RNF213: variants seen among roughly 807,000 people sequenced by gnomAD.
The protein encoded by RNF213 is E3 ubiquitin-protein ligase RNF213.
Under a neutral mutation model 514.4 loss-of-function variants are expected in RNF213, and 341 were observed. The ratio of observed to expected loss-of-function variants is 0.66; its 90% CI spans 0.61 to 0.73. The LOEUF is 0.73. Among genes scored for constraint, RNF213 ranks in the 30% least tolerant of loss-of-function variants. The pLI is 0.00. For missense variants in RNF213, 5,767 were observed against 6,615.6 expected (o/e 0.87, Z 4.45); for synonymous variants, 2,655 against 2,658.2 (o/e 1.00, Z 0.04).
Position 80,294,960 on chromosome 17 carries a change from G to A in RNF213, c.1712G>A (p.Gly571Glu), listed in dbSNP as rs1457751358. The change falls in exon 9 of 68, where the codon GGA becomes GAA. Residue 571 changes from glycine (G) to glutamate (E), a missense_variant. Gly to Glu is a moderately conservative substitution (Grantham distance 98). Around this residue, in one of 13 missense-constraint regions of RNF213, gnomAD observed 592 missense variants for 673.9 expected, o/e 0.88. Transcript: ENST00000582970. The part of the protein sequence containing the change: ...FVLQQPMIYE[G>E]QAQLWTDLQY... ...CTGCAACAGCCTATGATTTATGAAG[G>A]ACAGGCACAGCTGTGGACCGATTTG... 1 of 1,614,162 alleles carries A rather than the reference G, an allele frequency of 6.2e-7. No homozygotes were observed. Among genetic ancestry groups the A allele is most frequent in the Admixed American group, 1.7e-5 (1 of 60,024 alleles).
chr17:80,345,645 G>A lies in RNF213; in HGVS notation c.7310G>A (p.Arg2437Gln), dbSNP rs367681353. Residue 2437 changes from arginine to glutamine, a missense_variant, in exon 29 of 68, where the codon CGG becomes CAG. Around this residue, in one of 13 missense-constraint regions of RNF213, gnomAD observed 1,377 missense variants for 1,635.2 expected, o/e 0.84. Coordinates refer to ENST00000582970, the MANE Select transcript of RNF213 (RefSeq NM_001256071.3). This position sits in a 1 kb window ranked among gnomAD's most constrained non-coding sequence, Gnocchi z 6.0. ...CTTATTAAATTCCTTAGCGACCTGC[G>A]GCGTGGTGGTACCAATGCTGACACC... is the stretch of plus-strand genomic sequence containing the variant. ...TRLIKFLSDL[R>Q]RGGTNADTIK... 42 of 1,614,042 alleles carry A rather than the reference G, an allele frequency of 2.6e-5. No individual in the cohort carries two copies. Among genetic ancestry groups the A allele is most frequent in the Admixed American group, 1.5e-4 (9 of 60,004 alleles).
At chr17:80,277,613 A>T (rs1420514501) in intron 3 of RNF213, among the ~76,000 whole-genome samples, 14 of 151,714 alleles carry the variant, frequency 9.2e-5, no homozygotes, top group Non-Finnish European at 2.9e-5. Context: ...AAAAAAAAAA[A>T]AAAAGCCTAA....
At chr17:80,368,267 A>T in intron 44 of RNF213, 124 bp downstream of exon 44, 1 of 1,035,286 alleles carries the variant, frequency 9.7e-7, no homozygotes. Flanking sequence ...TCAGAGAACT[A>T]TCATAAGAGA....
intron 50 of RNF213, chr17:80,375,190 G>C (rs2079698135): frequency 1.7e-5 from 3 of 175,602 alleles, no homozygotes; most frequent in South Asian, 1.2e-4. Context: ...CGTTGCTTCT[G>C]TCATTAAGCT....
In RNF213 at chr17:80,389,210, G is replaced by A; in HGVS notation, c.15038G>A (p.Gly5013Glu). Reference protein sequence around the residue: ...LPSSVISAISGQLQSYSDACE... With the variant: ...LPSSVISAISEQLQSYSDACE... Reference sequence around the variant, plus strand: ...AGCTCGGTCATTAGTGCCATCAGTGGACAGCTGCAGTCCTACAGCGATGCC... The same window carrying A: ...AGCTCGGTCATTAGTGCCATCAGTGAACAGCTGCAGTCCTACAGCGATGCC... Residue 5013 changes from glycine (G) to glutamate (E), a missense_variant, in exon 65 of 68, where the codon GGA becomes GAA. Transcript: ENST00000582970. The A allele has an allele frequency of 6.2e-7, 1 of 1,614,172 alleles. No individual in the cohort carries two copies. Among genetic ancestry groups the A allele is most frequent in the Non-Finnish European group, 8.5e-7 (1 of 1,179,996 alleles).
chr17:80,295,071 A>G (rs902689819), intron 9 of RNF213, 68 bp downstream of exon 9: 6 of 1,590,940 alleles, frequency 3.8e-6, no homozygotes, highest in African/African-American at 2.7e-5. Context: ...TAGTGGCCGG[A>G]TGACCCCTTG....
In RNF213 at chr17:80,281,676, C is replaced by T. The variant is rs375819620; in HGVS notation, c.262-6139C>T. Among the ~76,000 whole-genome samples, 828 of 108,062 alleles carry T rather than the reference C, an allele frequency of 7.7e-3. 10 individuals carry two copies. The highest frequency in any genetic ancestry group is 0.025 in the African/African-American group (797 of 32,108). The allele number at this position is 108,062 out of a possible 152,430, so 70.9% of individuals were successfully genotyped here. The stretch of plus-strand genomic sequence containing the variant: ...CCCCACTCACACACACCCCAACATA[C>T]GCAAGTCCCACTCACACCCATCTCA... On this transcript the variant is annotated intron_variant, in intron 3 of 67. Transcript: ENST00000582970.
Position 80,288,907 on chromosome 17 carries a change from G to GGA in RNF213, c.933+160_933+161dup, listed in dbSNP as rs546855705. ...GCCTTCGGGGTGCTCACATTCCAGCGGAGAGAGAGTCAGGAAACCGACTTC... is the reference window on the plus strand; with the variant it reads ...GCCTTCGGGGTGCTCACATTCCAGCGGAGAGAGAGAGTCAGGAAACCGACTTC... On this transcript the variant is annotated intron_variant, in intron 5 of 67. Transcript: ENST00000582970. The surrounding 1 kb of genome is among the most constrained non-coding windows in gnomAD (Gnocchi z 4.9). 15 of 1,386,844 alleles carry GGA rather than the reference G, an allele frequency of 1.1e-5. No homozygotes were observed. In the African/African-American group the frequency reaches 1.6e-4, roughly 15 times the overall value. 85.9% of individuals were successfully genotyped at this position (1,386,844 alleles called of 1,614,324 possible). A position where few individuals can be genotyped will look rare whatever the true frequency, so the allele number is the denominator to read the frequency against.
chr17:80,353,010 G>A lies in RNF213; in HGVS notation c.10374G>A (p.Leu3458=), dbSNP rs2078586469. The change falls in exon 33 of 68, where the codon CTG becomes CTA. Residue 3458 remains leucine (L), a synonymous_variant. Transcript: ENST00000582970. The surrounding 1 kb of genome is among the most constrained non-coding windows in gnomAD (Gnocchi z 5.0). ...TCATGGTTTCTGATGTGACCAGGCT[G>A]CAGCATGTCACCATCAGCCAGCTGT... ...STLMVSDVTR[L]QHVTISQLFA... The A allele has an allele frequency of 6.2e-7, 1 of 1,613,692 alleles. No individual in the cohort carries two copies. Among genetic ancestry groups the A allele is most frequent in the Admixed American group, 1.7e-5 (1 of 60,012 alleles).
intron 2 of RNF213, among the ~76,000 whole-genome samples, chr17:80,267,238 A>T (rs2043639040): frequency 1.3e-5 from 2 of 150,778 alleles, no homozygotes; most frequent in Admixed American, 1.3e-4. Flanking sequence ...AAGAAAAAAA[A>T]GAGACCATCC....
Position 80,345,871 on chromosome 17 carries a change from G to A in RNF213, c.7536G>A (p.Leu2512=). 1 of 1,614,150 alleles carries A rather than the reference G, an allele frequency of 6.2e-7. No homozygotes were observed. The highest frequency in any genetic ancestry group is 8.5e-7 in the Non-Finnish European group (1 of 1,180,038). The change falls in exon 29 of 68, where the codon CTG becomes CTA. Residue 2512 remains leucine (L), a synonymous_variant. Transcript: ENST00000582970. The surrounding 1 kb of genome is among the most constrained non-coding windows in gnomAD (Gnocchi z 6.0). The part of the protein sequence containing the change: ...LCDHMVDGQP[L]AEDSGLHIIA... The stretch of plus-strand genomic sequence containing the variant: ...ATCATATGGTGGATGGCCAGCCTCT[G>A]GCTGAGGACTCTGGCCTGCATATTA...
At chr17:80,389,036 G>C in intron 64 of RNF213, 137 bp from the exon 65 acceptor site, 1 of 787,768 alleles carries the variant, frequency 1.3e-6, no homozygotes, top group East Asian at 2.5e-5. Flanking sequence ...TGCACACCGT[G>C]CGCCCAAGTG....
rs1418323983 is a variant in RNF213 at position 80,376,873 on chromosome 17, G to A, written c.13429-9G>A. 6.2e-7 allele frequency: 1 copy of A among 1,613,438 alleles called. No individual in the cohort carries two copies. The highest frequency in any genetic ancestry group is 8.5e-7 in the Non-Finnish European group (1 of 1,179,602). On this transcript the variant is annotated splice_polypyrimidine_tract_variant and intron_variant, in intron 52 of 67. Coordinates refer to ENST00000582970, the MANE Select transcript of RNF213 (RefSeq NM_001256071.3). ...TATCTAGAGCTGTCTCTGTCTTCTT[G>A]TTTTTCAGCATGCTTTTCTTCCAAC...
chr17:80,381,360 C>T (rs1332221269), intron 56 of RNF213, 187 bp from the exon 57 acceptor site: 15 of 684,538 alleles, frequency 2.2e-5, no homozygotes, highest in Non-Finnish European at 3.7e-5. Flanking sequence ...CTCACTGTAA[C>T]AACAGAAAAG....
chr17:80,277,130 C>A (rs1352798728), intron 3 of RNF213, among the ~76,000 whole-genome samples: 1 of 151,674 alleles, frequency 6.6e-6, no homozygotes, highest in Non-Finnish European at 1.5e-5. Context: ...CTGGATGGAC[C>A]CCAAAAACAT....
At chr17:80,361,074 C>CG (rs1000591126) in intron 38 of RNF213, among the ~76,000 whole-genome samples, 11 of 152,136 alleles carry the variant, frequency 7.2e-5, no homozygotes, top group Non-Finnish European at 1.5e-4. Flanking sequence ...TACTTGGACC[C>CG]GGGGGTTCCT....
intron 3 of RNF213, among the ~76,000 whole-genome samples, chr17:80,286,557 A>C (rs2044479409): frequency 6.6e-6 from 1 of 152,044 alleles, no homozygotes; most frequent in Non-Finnish European, 1.5e-5. Flanking sequence ...GGGCTCCTGA[A>C]GTGGCAGTGA....
chr17:80,360,019 G>A (rs777909815), intron 37 of RNF213, 42 bp from the exon 38 acceptor site: 25 of 1,608,688 alleles, frequency 1.6e-5, no homozygotes, highest in South Asian at 4.4e-5. Flanking sequence ...TTTGAGTGAC[G>A]TCTCACAAAC....
chr17:80,344,121 C>T lies in RNF213; in HGVS notation c.6342+106C>T, dbSNP rs2078240455. 6 of 1,188,698 alleles carry T rather than the reference C, an allele frequency of 5.0e-6. No homozygotes were observed. In the South Asian group the frequency reaches 5.9e-5, roughly 12 times the overall value. The allele number at this position is 1,188,698 out of a possible 1,614,324, so 73.6% of individuals were successfully genotyped here. A position where few individuals can be genotyped will look rare whatever the true frequency, so the allele number is the denominator to read the frequency against. Reference sequence around the variant, plus strand: ...TAGGAGACTCCACATCTTTGCCTTACTTAGTGCAGCAGCTGAATGCAGTGT... The same window carrying T: ...TAGGAGACTCCACATCTTTGCCTTATTTAGTGCAGCAGCTGAATGCAGTGT... On this transcript the variant is annotated intron_variant, in intron 28 of 67. Transcript: ENST00000582970.
Sources: allele counts gnomAD v4.1 joint callset (sites outside exome capture counted in the v4.1 genomes callset), GRCh38; gene constraint gnomAD v4.1.1; regional missense constraint gnomAD v4.1.1; non-coding constraint Gnocchi (gnomAD v3.1); transcripts MANE v1.5; gene names NCBI Gene and HGNC (gene_info 2026-07-23, HGNC 2026-07-21).